Variants in BRWD1 observed in about 807,000 individuals in gnomAD.
The protein encoded by BRWD1 is bromodomain and WD repeat-containing protein 1.
BRWD1 carries 82 observed loss-of-function variants against 251.2 expected under a neutral mutation model. That is an observed-to-expected ratio of 0.33 (90% CI 0.27 to 0.39). BRWD1 has a LOEUF of 0.39. Ranked by LOEUF, BRWD1 falls within the 10% of genes least tolerant of loss-of-function variation. The pLI is 1.00. For missense variants in BRWD1, 2,233 were observed against 2,711.6 expected, an observed-to-expected ratio of 0.82 and a Z score of 3.92; for synonymous variants, 918 against 902.8, an observed-to-expected ratio of 1.02 and a Z score of -0.30.
At chr21:39,288,614 CA>C (rs2035713634) in intron 8 of BRWD1, among the ~76,000 whole-genome samples, 1 of 152,068 alleles carries the variant, frequency 6.6e-6, no homozygotes. Context: ...TTCTGACTCC[CA>C]AAAAACTTAA....
Position 39,312,861 on chromosome 21 carries a change from T to TTA in BRWD1, c.177_178insTA (p.Asn60Ter). The stretch of plus-strand genomic sequence containing the variant: ...CTCACCAACTCCTCGTAGCTCCTGT[T>TTA]GTGCTCGTTGCCCTCCCAGTCCAAT... On this transcript the variant is annotated frameshift_variant, in exon 4 of 41. Transcript: ENST00000342449. LOFTEE classifies it high-confidence loss of function. The TTA allele has an allele frequency of 6.4e-7, 1 of 1,565,884 alleles. No homozygotes were observed. The highest frequency in any genetic ancestry group is 8.6e-7 in the Non-Finnish European group (1 of 1,158,442).
chr21:39,320,363 C>G (rs905274183), intron 1 of BRWD1, among the ~76,000 whole-genome samples: 1 of 152,158 alleles, frequency 6.6e-6, no homozygotes, highest in Non-Finnish European at 1.5e-5. Flanking sequence ...GAAACAGTGT[C>G]TCAGTCTGTC....
chr21:39,248,232 A>G (rs1038944078), intron 20 of BRWD1, among the ~76,000 whole-genome samples: 1 of 152,180 alleles, frequency 6.6e-6, no homozygotes, highest in African/African-American at 2.4e-5. Context: ...GGTGTAAAGA[A>G]AAAATGTTCA....
intron 30 of BRWD1, 103 bp from the exon 31 acceptor site, chr21:39,218,375 G>A (rs1663569647): frequency 6.9e-7 from 1 of 1,448,616 alleles, no homozygotes; most frequent in Non-Finnish European, 9.2e-7. Context: ...TAACATTACA[G>A]GCTAAATTAA....
chr21:39,199,607 A>G lies in BRWD1; in HGVS notation c.4809T>C (p.Tyr1603=). The change falls in exon 40 of 41, where the codon TAT becomes TAC. Residue 1603 remains tyrosine, a synonymous_variant. Transcript: ENST00000342449. ...CGRKATRKRV[Y]LSDSDNNSLE... is the part of the protein sequence containing the mutation. ...ATGAATTGTTATCAGAATCACTTAA[A>G]TAGACTCTCTTTCGAGTGGCTTTTC... is the stretch of plus-strand genomic sequence containing the variant. 1 of 1,613,750 alleles carries G rather than the reference A, an allele frequency of 6.2e-7. No individual in the cohort carries two copies. Among genetic ancestry groups the G allele is most frequent in the Non-Finnish European group, 8.5e-7 (1 of 1,179,938 alleles).
At chr21:39,291,322 TGA>T (rs1190097369) in intron 8 of BRWD1, among the ~76,000 whole-genome samples, 3 of 152,170 alleles carry the variant, frequency 2.0e-5, no homozygotes, top group African/African-American at 4.8e-5. Context: ...CAAATTCTAA[TGA>T]GAGATACCAA....
chr21:39,249,506 G>C (rs900164735), intron 20 of BRWD1, among the ~76,000 whole-genome samples: 1 of 152,050 alleles, frequency 6.6e-6, no homozygotes, highest in Non-Finnish European at 1.5e-5. Context: ...GCCAAATAAA[G>C]TAACTATATT....
chr21:39,196,453 T>C lies in BRWD1; in HGVS notation c.6616A>G (p.Arg2206Gly). Reference protein sequence around the residue: ...ANISKTVRRQRQSKRPRLSVD... With the variant: ...ANISKTVRRQGQSKRPRLSVD... ...CTTAACCTAGGGCGTTTGCTTTGTCTTTGACGTCTCACAGTTTTAGATATG... is the reference window on the plus strand; with the variant it reads ...CTTAACCTAGGGCGTTTGCTTTGTCCTTGACGTCTCACAGTTTTAGATATG... Residue 2206 changes from arginine to glycine, a missense_variant, in exon 41 of 41, where the codon AGA becomes GGA. Physicochemically the swap from Arg to Gly is moderately radical, Grantham distance 125. Coordinates refer to ENST00000342449, the MANE Select transcript of BRWD1 (RefSeq NM_033656.4). 6.2e-7 allele frequency: 1 copy of C among 1,613,486 alleles called. No homozygotes were observed. Among genetic ancestry groups the C allele is most frequent in the South Asian group, 1.1e-5 (1 of 90,996 alleles).
At chr21:39,216,704 C>A in intron 31 of BRWD1, 1 of 419,028 alleles carries the variant, frequency 2.4e-6, no homozygotes. Flanking sequence ...GAGAAACCTG[C>A]TTTTTGGACT....
chr21:39,207,451 AACACACAC>A lies in BRWD1; in HGVS notation c.4198-1185_4198-1178del, dbSNP rs58765400. Among the ~76,000 whole-genome samples the A allele has an allele frequency of 5.3e-5, 7 of 131,316 alleles. No individual in the cohort carries two copies. In the South Asian group the frequency reaches 7.4e-4, roughly 14 times the overall value. 86.1% of individuals were successfully genotyped at this position (131,316 alleles called of 152,430 possible). ...CAAAAAAAAAAAAGAAAAAAAAGAA[AACACACAC>A]ACACACACACACACACACACACACA... is the stretch of plus-strand genomic sequence containing the variant. On this transcript the variant is annotated intron_variant, in intron 36 of 40. Transcript: ENST00000342449.
At chr21:39,268,728 T>C (rs998683362) in intron 15 of BRWD1, among the ~76,000 whole-genome samples, 3 of 152,104 alleles carry the variant, frequency 2.0e-5, no homozygotes, top group African/African-American at 7.2e-5. Flanking sequence ...GGCTCACGCC[T>C]GTAATCCCAA....
At position 39,269,974 on chromosome 21, in the gene BRWD1, TA is replaced by T; in HGVS notation, c.1454del (p.Leu485TyrfsTer20). 1 of 1,595,184 alleles carries T rather than the reference TA, an allele frequency of 6.3e-7. No individual in the cohort carries two copies. Among genetic ancestry groups the T allele is most frequent in the Non-Finnish European group, 8.5e-7 (1 of 1,169,906 alleles). ...ATATGCTGCCATCATGTCCTGCAGA[TA>T]ACATAATTCTGGAATCAAAGGGATG... ...ETHPFDSRIM[L>X]SAGHDGSIFI... On this transcript the variant is annotated frameshift_variant, in exon 15 of 41. Transcript: ENST00000342449. LOFTEE classifies it high-confidence loss of function.
chr21:39,225,075 T>C lies in BRWD1; in HGVS notation c.3320+11A>G. On this transcript the variant is annotated intron_variant, in intron 28 of 40. Transcript: ENST00000342449. ...TACTGGGAAATGATTAGTTTTCATCTGTATACAAACCTAACAATATAACAC... is the reference window on the plus strand; with the variant it reads ...TACTGGGAAATGATTAGTTTTCATCCGTATACAAACCTAACAATATAACAC... 1.3e-6 allele frequency: 2 copies of C among 1,526,004 alleles called. No homozygotes were observed. The highest frequency in any genetic ancestry group is 1.8e-6 in the Non-Finnish European group (2 of 1,100,496). 94.5% of individuals were successfully genotyped at this position (1,526,004 alleles called of 1,614,324 possible). A position where few individuals can be genotyped will look rare whatever the true frequency, so the allele number is the denominator to read the frequency against.
At chr21:39,238,913 G>A (rs2033900407) in intron 21 of BRWD1, among the ~76,000 whole-genome samples, 1 of 152,076 alleles carries the variant, frequency 6.6e-6, no homozygotes, top group Non-Finnish European at 1.5e-5. Context: ...GTATCTAATT[G>A]TTGTTCTAGT....
chr21:39,306,947 G>C (rs2036306677), intron 4 of BRWD1, among the ~76,000 whole-genome samples: 2 of 152,166 alleles, frequency 1.3e-5, no homozygotes, highest in Non-Finnish European at 2.9e-5. Flanking sequence ...TCTGCCTCCT[G>C]GGTTCAAGTG....
chr21:39,279,023 A>G (rs968602506), intron 9 of BRWD1, among the ~76,000 whole-genome samples: 1 of 152,116 alleles, frequency 6.6e-6, no homozygotes. Flanking sequence ...GGCACACAAC[A>G]CCCAGCTATA....
At chr21:39,230,706 G>T (rs547974140) in intron 25 of BRWD1, among the ~76,000 whole-genome samples, 2 of 151,960 alleles carry the variant, frequency 1.3e-5, no homozygotes, top group African/African-American at 4.8e-5. Flanking sequence ...TACGCTTAGG[G>T]GCCATTTTAA....
intron 23 of BRWD1, among the ~76,000 whole-genome samples, chr21:39,233,913 G>A (rs1256927738): frequency 6.6e-6 from 1 of 152,180 alleles, no homozygotes; most frequent in East Asian, 1.9e-4. Flanking sequence ...CCAGCTACTT[G>A]GGAGGCTGAG....
intron 15 of BRWD1, among the ~76,000 whole-genome samples, chr21:39,265,631 T>C (rs1170826895): frequency 7.2e-5 from 11 of 152,212 alleles, no homozygotes. Flanking sequence ...AACAATTTCA[T>C]AAATTTTTGT....
Sources: allele counts gnomAD v4.1 joint callset (sites outside exome capture counted in the v4.1 genomes callset), GRCh38; gene constraint gnomAD v4.1.1; transcripts MANE v1.5; gene names NCBI Gene and HGNC (gene_info 2026-07-23, HGNC 2026-07-21).